ZNF469: variants seen among roughly 807,000 people sequenced by gnomAD.
ZNF469 encodes zinc finger protein 469.
A neutral mutation model predicts 1.0 loss-of-function variants in ZNF469; 1 was observed. The observed-to-expected ratio is 1.00, with a 90% CI of 0.35 to 4.73. The LOEUF (loss-of-function observed/expected upper bound fraction) is 4.73. ZNF469 is among the 30% of genes most tolerant of loss of function. The pLI is 0.16. For synonymous variants in ZNF469, 2,703 were observed against 2,363.4 expected (o/e 1.14, Z -4.17); for missense variants, 6,100 against 5,356.3 (o/e 1.14, Z -4.33).
At chr16:88,128,150 G>A in the ZNF469 span, among the ~76,000 whole-genome samples, 19 of 152,132 alleles carry the variant, frequency 1.2e-4, no homozygotes, top group Non-Finnish European at 1.9e-4. Context: ...CCCAGATGGC[G>A]AGACGGCACC....
chr16:88,428,356 G>T lies in ZNF469; in HGVS notation c.886G>T (p.Ala296Ser), dbSNP rs1375490839. The T allele has an allele frequency of 7.1e-6, 11 of 1,549,002 alleles. No individual in the cohort carries two copies. Among genetic ancestry groups the T allele is most frequent in the Non-Finnish European group, 9.6e-6 (11 of 1,146,902 alleles). The change falls in exon 3 of 3, where the codon GCA (alanine) becomes TCA (serine). Residue 296 changes from alanine to serine, a missense_variant. Transcript: ENST00000565624. ...KPFPADVAGH[A>S]FTNGPLVFAF... Reference sequence around the variant, plus strand: ...CTTCCCTGCGGATGTGGCTGGGCACGCATTCACCAATGGGCCACTGGTGTT... The same window carrying T: ...CTTCCCTGCGGATGTGGCTGGGCACTCATTCACCAATGGGCCACTGGTGTT...
At chr16:88,175,326 G>A in the ZNF469 span, among the ~76,000 whole-genome samples, 1 of 152,150 alleles carries the variant, frequency 6.6e-6, no homozygotes, top group East Asian at 1.9e-4. Flanking sequence ...AGTAACATGT[G>A]GAAGACCTGA....
chr16:88,396,829 G>A (rs1317821680), intron 1 of ZNF469, among the ~76,000 whole-genome samples: 2 of 149,056 alleles, frequency 1.3e-5, no homozygotes, highest in Non-Finnish European at 3.0e-5. Flanking sequence ...CCTGTCTGAA[G>A]GGAAGCCTGG....
At chr16:88,184,408 A>C in the ZNF469 span, among the ~76,000 whole-genome samples, 1 of 152,092 alleles carries the variant, frequency 6.6e-6, no homozygotes, top group South Asian at 2.1e-4. Context: ...GCCGCAGCCA[A>C]TGAGAAGGCT....
rs58766661 is a variant in ZNF469, at chr16:88,424,945, G to A, written c.-127+74G>A. 0.019 allele frequency among the ~76,000 whole-genome samples: 2,898 copies of A among 149,878 alleles called. 85 individuals are homozygous for A. Among genetic ancestry groups the A allele is most frequent in the African/African-American group, 0.068 (2,769 of 40,988 alleles). On this transcript the variant is annotated intron_variant, in intron 2 of 2. Coordinates refer to ENST00000565624, the MANE Select transcript of ZNF469 (RefSeq NM_001367624.2). This position sits in a 1 kb window ranked among gnomAD's most constrained non-coding sequence, Gnocchi z 4.3. The stretch of plus-strand genomic sequence containing the variant: ...TCTTGATGGTCCTGAGGCCCCCTCC[G>A]CCCCCACCCGCCCGGCCTTCCTCTC...
At chr16:88,159,951 G>C in the ZNF469 span, among the ~76,000 whole-genome samples, 1 of 152,198 alleles carries the variant, frequency 6.6e-6, no homozygotes, top group African/African-American at 2.4e-5. Flanking sequence ...CAGCCTGTCT[G>C]ATGGCAGAGG....
At position 88,388,406 on chromosome 16, in the gene ZNF469, C is replaced by T. The variant is rs56196131; in HGVS notation, c.-192+5152C>T. Among the ~76,000 whole-genome samples the T allele has an allele frequency of 9.2e-3, 1,395 of 152,394 alleles. 9 individuals are homozygous for T. The highest frequency in any genetic ancestry group is 0.015 in the Non-Finnish European group (1,007 of 68,044). Reference sequence around the variant, plus strand: ...CAGCCATTGAGGCTTTCCTACCGGCCGGGCACGGCAGCCGCCTGCAGAATG... The same window carrying T: ...CAGCCATTGAGGCTTTCCTACCGGCTGGGCACGGCAGCCGCCTGCAGAATG... On this transcript the variant is annotated intron_variant, in intron 1 of 2. Coordinates refer to ENST00000565624, the MANE Select transcript of ZNF469 (RefSeq NM_001367624.2).
chr16:88,371,655 A>G, the ZNF469 span, among the ~76,000 whole-genome samples: 1 of 152,216 alleles, frequency 6.6e-6, no homozygotes, highest in African/African-American at 2.4e-5. Context: ...AGAATTTAGC[A>G]TTCCTTGTTC....
intron 1 of ZNF469, among the ~76,000 whole-genome samples, chr16:88,415,106 T>G (rs1325314984): frequency 6.6e-6 from 1 of 152,152 alleles, no homozygotes; most frequent in African/African-American, 2.4e-5. Flanking sequence ...TCTCTGAGCC[T>G]CGGTTTCTCG....
the ZNF469 span, among the ~76,000 whole-genome samples, chr16:88,354,005 C>G: frequency 6.6e-6 from 1 of 152,204 alleles, no homozygotes; most frequent in East Asian, 1.9e-4. Flanking sequence ...TCTACCTGCT[C>G]GTGGCTGCCC....
intron 1 of ZNF469, among the ~76,000 whole-genome samples, chr16:88,398,300 CG>C (rs1225946967): frequency 2.0e-5 from 3 of 152,038 alleles, no homozygotes; most frequent in African/African-American, 7.2e-5. Flanking sequence ...AGATGAAGGG[CG>C]ACGTGAGTCA....
the ZNF469 span, among the ~76,000 whole-genome samples, chr16:88,204,633 C>T: frequency 2.7e-4 from 41 of 152,212 alleles, no homozygotes; most frequent in Non-Finnish European, 5.0e-4. Context: ...GGCCAGAATG[C>T]AGGAGGACCC....
chr16:88,376,941 C>T, the ZNF469 span, among the ~76,000 whole-genome samples: 2 of 152,250 alleles, frequency 1.3e-5, no homozygotes, highest in African/African-American at 2.4e-5. Flanking sequence ...CAGCCTCCTA[C>T]TGGGTAAAGC....
chr16:88,351,133 C>G, the ZNF469 span, among the ~76,000 whole-genome samples: 5 of 152,166 alleles, frequency 3.3e-5, no homozygotes, highest in Non-Finnish European at 7.3e-5. Flanking sequence ...TCCAGGTGCT[C>G]AGGAAAGGGT....
the ZNF469 span, among the ~76,000 whole-genome samples, chr16:88,157,859 C>T: frequency 1.3e-5 from 2 of 151,836 alleles, no homozygotes; most frequent in African/African-American, 2.4e-5. Context: ...AGTGCTGGCA[C>T]CTGGTGAGGA....
chr16:88,400,331 G>T (rs938152474), intron 1 of ZNF469, among the ~76,000 whole-genome samples: 1 of 151,936 alleles, frequency 6.6e-6, no homozygotes, highest in African/African-American at 2.4e-5. Context: ...AGGCCTGGCA[G>T]CTTGAAGCCC....
At chr16:88,125,368 T>A in the ZNF469 span, among the ~76,000 whole-genome samples, 3 of 152,198 alleles carry the variant, frequency 2.0e-5, no homozygotes, top group Non-Finnish European at 4.4e-5. Context: ...TTGGTACCAA[T>A]CCTATTGAAA....
chr16:88,310,397 C>A, the ZNF469 span, among the ~76,000 whole-genome samples: 2 of 143,838 alleles, frequency 1.4e-5, no homozygotes, highest in Admixed American at 7.3e-5. Context: ...GTGCCTGGGG[C>A]TCTGGTCACA....
chr16:88,223,539 C>G, the ZNF469 span, among the ~76,000 whole-genome samples: 1 of 152,116 alleles, frequency 6.6e-6, no homozygotes, highest in Non-Finnish European at 1.5e-5. Context: ...TGGTTAGAGA[C>G]GGAGCAGAAA....
Sources: gnomAD v4.1 joint callset for allele counts (sites outside exome capture counted in the v4.1 genomes callset) on GRCh38, gnomAD v4.1.1 for gene constraint, Gnocchi (gnomAD v3.1) non-coding constraint, MANE v1.5 for transcripts, NCBI Gene and HGNC (gene_info 2026-07-23, HGNC 2026-07-21) for gene names.